Variants in LAMP1 observed in about 807,000 individuals in gnomAD.
LAMP1 encodes lysosome-associated membrane glycoprotein 1.
LAMP1 carries 7 observed loss-of-function variants against 37.5 expected under a neutral mutation model. That is an observed-to-expected ratio of 0.19 (90% confidence interval 0.11 to 0.35). The LOEUF is 0.35. LAMP1 is among the 10% of genes least tolerant of loss of function. LAMP1 has a pLI of 1.00. For synonymous variants in LAMP1, 236 were observed against 229.1 expected (o/e 1.03, Z -0.27); for missense variants, 537 against 552.8 (o/e 0.97, Z 0.29).
chr13:113,320,502 C>T lies in LAMP1; in HGVS notation c.876+32C>T. The T allele has an allele frequency of 6.3e-7, 1 of 1,597,192 alleles. No homozygotes were observed. Among genetic ancestry groups the T allele is most frequent in the Non-Finnish European group, 8.5e-7 (1 of 1,175,850 alleles). ...CTGGGGCGGCACCTCTCTGGGGGCG[C>T]CCACTGTGTCTCCACCACATCTTTT... On this transcript the variant is annotated intron_variant, in intron 6 of 8. Coordinates refer to ENST00000332556, the MANE Select transcript of LAMP1 (RefSeq NM_005561.4). This position sits in a 1 kb window ranked among gnomAD's most constrained non-coding sequence, Gnocchi z 4.4.
intron 4 of LAMP1, among the ~76,000 whole-genome samples, chr13:113,318,288 T>C (rs140694308): frequency 7.5e-4 from 114 of 152,284 alleles, no homozygotes; most frequent in Admixed American, 1.4e-3. Flanking sequence ...AAGGTGGGAA[T>C]TGGCCACTGA....
chr13:113,322,159 C>A, intron 8 of LAMP1, 123 bp from the exon 9 acceptor site: 1 of 1,148,410 alleles, frequency 8.7e-7, no homozygotes, highest in Non-Finnish European at 1.2e-6. Flanking sequence ...CCAGCTAGAG[C>A]TGGAACCTTC....
chr13:113,309,411 G>T (rs1226175132), intron 2 of LAMP1, among the ~76,000 whole-genome samples: 2 of 152,006 alleles, frequency 1.3e-5, no homozygotes, highest in African/African-American at 2.4e-5. Context: ...GCAAATTTTT[G>T]ATTATATGAA....
chr13:113,310,401 C>G (rs1235116142), intron 3 of LAMP1, among the ~76,000 whole-genome samples: 10 of 152,050 alleles, frequency 6.6e-5, no homozygotes, highest in Admixed American at 6.6e-4. Flanking sequence ...TGGCGCGCGC[C>G]TGTAGTCCCA....
chr13:113,308,321 G>T (rs1000570531), intron 2 of LAMP1, among the ~76,000 whole-genome samples: 2 of 117,756 alleles, frequency 1.7e-5, no homozygotes, highest in African/African-American at 6.1e-5. Flanking sequence ...TGGCCTCCAA[G>T]CACTTTTTTT....
chr13:113,318,038 G>A (rs922610400), intron 4 of LAMP1, among the ~76,000 whole-genome samples: 1 of 152,246 alleles, frequency 6.6e-6, no homozygotes, highest in Non-Finnish European at 1.5e-5. Flanking sequence ...TTCGCCAAGG[G>A]CAGTGAGCAA....
intron 4 of LAMP1, among the ~76,000 whole-genome samples, chr13:113,318,345 G>C (rs979884724): frequency 3.3e-5 from 5 of 152,228 alleles, no homozygotes; most frequent in South Asian, 2.1e-4. Context: ...GGAGTTATGA[G>C]TGGCAGATTC....
chr13:113,321,110 G>A lies in LAMP1; in HGVS notation c.877-294G>A. On this transcript the variant is annotated intron_variant, in intron 6 of 8. Coordinates refer to ENST00000332556, the MANE Select transcript of LAMP1 (RefSeq NM_005561.4). This position sits in a 1 kb window ranked among gnomAD's most constrained non-coding sequence, Gnocchi z 5.6. ...GTGGGAGGATCACTTGAGCCCAGGA[G>A]TTAAGGTTGCGATGAGCCGTGATCA... 2.6e-6 allele frequency: 1 copy of A among 381,852 alleles called. No individual in the cohort carries two copies. The highest frequency in any genetic ancestry group is 2.3e-5 in the South Asian group (1 of 43,632). The allele number at this position is 381,852 out of a possible 1,614,324, so 23.7% of individuals were successfully genotyped here.
chr13:113,314,982 T>C (rs1272467422), intron 4 of LAMP1, among the ~76,000 whole-genome samples: 1 of 93,944 alleles, frequency 1.1e-5, no homozygotes, highest in Non-Finnish European at 2.0e-5. Flanking sequence ...GCCTGGGGCG[T>C]GGCCTCCTGA....
chr13:113,300,859 T>C (rs1029884655), intron 1 of LAMP1, among the ~76,000 whole-genome samples: 3 of 152,134 alleles, frequency 2.0e-5, no homozygotes, highest in Admixed American at 2.0e-4. Context: ...CGATGTTACC[T>C]TTGATTGTGC....
intron 2 of LAMP1, among the ~76,000 whole-genome samples, chr13:113,308,306 G>A (rs554139753): frequency 3.5e-5 from 5 of 143,984 alleles, no homozygotes; most frequent in Middle Eastern, 8.2e-3. Context: ...GTGAGCTACC[G>A]TACCTGGCCT....
At chr13:113,317,323 A>G (rs919083895) in intron 4 of LAMP1, among the ~76,000 whole-genome samples, 1 of 152,180 alleles carries the variant, frequency 6.6e-6, no homozygotes, top group Non-Finnish European at 1.5e-5. Context: ...TCAGCAGGAA[A>G]GACTTTGGTA....
chr13:113,321,291 G>T lies in LAMP1; in HGVS notation c.877-113G>T, dbSNP rs2042697534. The T allele has an allele frequency of 1.1e-5, 10 of 885,110 alleles. No individual in the cohort carries two copies. The South Asian group carries it at 1.4e-4, about 12-fold the overall frequency. 54.8% of individuals were successfully genotyped at this position (885,110 alleles called of 1,614,324 possible). A position where few individuals can be genotyped will look rare whatever the true frequency, so the allele number is the denominator to read the frequency against. On this transcript the variant is annotated intron_variant, in intron 6 of 8. Coordinates refer to ENST00000332556, the MANE Select transcript of LAMP1 (RefSeq NM_005561.4). The surrounding 1 kb of genome is among the most constrained non-coding windows in gnomAD (Gnocchi z 5.6). The stretch of plus-strand genomic sequence containing the variant: ...TAATACTAGAAATGTAGGAAGTCAG[G>T]TTTATTACCCAATGACCATTCACGT...
intron 1 of LAMP1, among the ~76,000 whole-genome samples, chr13:113,301,858 C>T (rs1595456797): frequency 2.8e-4 from 21 of 74,312 alleles, no homozygotes; most frequent in East Asian, 1.9e-3. Flanking sequence ...GATGTGATTT[C>T]TTTTTTTTTT....
At chr13:113,318,768 G>A (rs1223218635) in intron 4 of LAMP1, among the ~76,000 whole-genome samples, 6 of 151,024 alleles carry the variant, frequency 4.0e-5, no homozygotes, top group Non-Finnish European at 8.8e-5. Context: ...CTTCTCCCTC[G>A]TGAGGATGCT....
At chr13:113,310,678 G>T in intron 3 of LAMP1, 31 bp from the exon 4 acceptor site, 2 of 1,447,188 alleles carry the variant, frequency 1.4e-6, no homozygotes, top group Non-Finnish European at 1.9e-6. Context: ...CAAGTAGTTT[G>T]CAATTGTGAT....
Position 113,310,598 on chromosome 13 carries a change from T to C in LAMP1, c.404-111T>C. ...TGCAATTGTGATTTTTTTTTTTTAA[T>C]CTAGAAATCAAGACTGGAATCTATA... On this transcript the variant is annotated intron_variant, in intron 3 of 8. Transcript: ENST00000332556. The C allele has an allele frequency of 4.3e-6, 4 of 922,604 alleles. No homozygotes were observed. In the Admixed American group the frequency reaches 8.1e-5, roughly 19 times the overall value. 57.2% of individuals were successfully genotyped at this position (922,604 alleles called of 1,614,324 possible). A position where few individuals can be genotyped will look rare whatever the true frequency, so the allele number is the denominator to read the frequency against.
intron 4 of LAMP1, 146 bp downstream of exon 4, chr13:113,311,013 TTC>T (rs2042628388): frequency 1.6e-6 from 1 of 614,490 alleles, no homozygotes; most frequent in South Asian, 2.1e-5. Context: ...CTGCAGAACG[TTC>T]TCATCCTTCT....
rs773115282 is a variant in LAMP1 at position 113,321,564 on chromosome 13, C to T, written c.951C>T (p.Ala317=). The change falls in exon 8 of 9, where the codon GCC becomes GCT. Residue 317 remains alanine (A), a synonymous_variant. Transcript: ENST00000332556. This position sits in a 1 kb window ranked among gnomAD's most constrained non-coding sequence, Gnocchi z 5.6. ...CCTCTGTGTGTGTTGCAGACCCTGC[C>T]TTTAAAGCTGCCAACGGCTCCCTGC... The part of the protein sequence containing the change: ...NTILPDARDP[A]FKAANGSLRA... 1.2e-6 allele frequency: 2 copies of T among 1,614,198 alleles called. No homozygotes were observed. Among genetic ancestry groups the T allele is most frequent in the Admixed American group, 1.7e-5 (1 of 60,028 alleles).
Sources: gnomAD v4.1 joint callset for allele counts (sites outside exome capture counted in the v4.1 genomes callset) on GRCh38, gnomAD v4.1.1 for gene constraint, Gnocchi (gnomAD v3.1) non-coding constraint, MANE v1.5 for transcripts, NCBI Gene and HGNC (gene_info 2026-07-23, HGNC 2026-07-21) for gene names.